Variants in ENPEP observed in about 807,000 individuals in gnomAD.
ENPEP encodes AP-A.
ENPEP carries 103 observed loss-of-function variants against 114.5 expected under a neutral mutation model. That is an observed-to-expected ratio of 0.90 (90% confidence interval 0.77 to 1.06). The LOEUF (loss-of-function observed/expected upper bound fraction) is 1.06, where lower values mean the gene tolerates loss of function less well. Ranked by LOEUF, ENPEP falls within the 50% of genes least tolerant of loss-of-function variation. The probability of loss-of-function intolerance (pLI) is 0.00; values close to 1 mark genes in which losing one functional copy is unlikely to be tolerated. For synonymous variants in ENPEP, 420 were observed against 422.0 expected, an observed-to-expected ratio of 1.00 and a Z score of 0.06; for missense variants, 1,196 against 1,161.3, an observed-to-expected ratio of 1.03 and a Z score of -0.43.
intron 3 of ENPEP, among the ~76,000 whole-genome samples, chr4:110,494,874 A>G (rs1250713556): frequency 1.3e-5 from 2 of 152,218 alleles, no homozygotes; most frequent in African/African-American, 4.8e-5. Context: ...ATTCTGCAAG[A>G]AATCTACTCC....
At chr4:110,504,920 C>G (rs773310594) in intron 3 of ENPEP, among the ~76,000 whole-genome samples, 1 of 152,208 alleles carries the variant, frequency 6.6e-6, no homozygotes, top group Non-Finnish European at 1.5e-5. Flanking sequence ...AATTCTCTTT[C>G]GCTCACCAAA....
chr4:110,479,837 A>G (rs1724246125), intron 1 of ENPEP, among the ~76,000 whole-genome samples: 2 of 152,322 alleles, frequency 1.3e-5, no homozygotes, highest in South Asian at 4.1e-4. Context: ...ATATTTATAA[A>G]ATAATAAAAT....
At chr4:110,542,957 T>C in intron 12 of ENPEP, 58 bp from the exon 13 acceptor site, 1 of 1,610,118 alleles carries the variant, frequency 6.2e-7, no homozygotes, top group Non-Finnish European at 8.5e-7. Flanking sequence ...TATTAATTTT[T>C]TTCAACATGC....
At position 110,549,934 on chromosome 4, in the gene ENPEP, A is replaced by T. The variant is rs552087817; in HGVS notation, c.2501+48A>T. 3.4e-5 allele frequency: 50 copies of T among 1,484,398 alleles called. No individual in the cohort carries two copies. In the South Asian group the frequency reaches 6.0e-4, roughly 18 times the overall value. 92.0% of individuals were successfully genotyped at this position (1,484,398 alleles called of 1,614,324 possible). A position where few individuals can be genotyped will look rare whatever the true frequency, so the allele number is the denominator to read the frequency against. On this transcript the variant is annotated intron_variant, in intron 17 of 19. Coordinates refer to ENST00000265162, the MANE Select transcript of ENPEP (RefSeq NM_001977.4). ...ATATATAAATAGTATTTAATAGTTT[A>T]TGTGTCACAGTCTCTTTAAGAGTCT...
chr4:110,507,270 T>A (rs573681625), intron 4 of ENPEP, among the ~76,000 whole-genome samples: 1 of 152,316 alleles, frequency 6.6e-6, no homozygotes, highest in Admixed American at 6.5e-5. Context: ...CAGCAATAAT[T>A]TTTTCTAATA....
At chr4:110,551,709 T>G (rs1220049252) in intron 17 of ENPEP, among the ~76,000 whole-genome samples, 1 of 152,198 alleles carries the variant, frequency 6.6e-6, no homozygotes, top group Non-Finnish European at 1.5e-5. Flanking sequence ...CAACTGATGT[T>G]GACTATCTTT....
chr4:110,504,005 T>C (rs1334615719), intron 3 of ENPEP, among the ~76,000 whole-genome samples: 1 of 152,166 alleles, frequency 6.6e-6, no homozygotes, highest in African/African-American at 2.4e-5. Context: ...CCTCTCCAAC[T>C]CAAGTACTGG....
Position 110,476,882 on chromosome 4 carries a change from A to C in ENPEP, c.468A>C (p.Gln156His). The change falls in exon 1 of 20, where the codon CAA becomes CAC. Residue 156 changes from glutamine (Q) to histidine (H), a missense_variant. Transcript: ENST00000265162. ...AGAGGCCCTCTGGGGACCAGGTGCA[A>C]GTCCGGAGGTGTTTCGAGTACAAAA... is the stretch of plus-strand genomic sequence containing the variant. ...ELKRPSGDQV[Q>H]VRRCFEYKKQ... 6.2e-7 allele frequency: 1 copy of C among 1,614,092 alleles called. No homozygotes were observed. Among genetic ancestry groups the C allele is most frequent in the Non-Finnish European group, 8.5e-7 (1 of 1,179,998 alleles).
Position 110,550,581 on chromosome 4 carries a change from T to C in ENPEP, c.2501+695T>C, listed in dbSNP as rs149347041. On this transcript the variant is annotated intron_variant, in intron 17 of 19. Transcript: ENST00000265162. The stretch of plus-strand genomic sequence containing the variant: ...ACTCAGAAGGCACAAAGCTCATCTA[T>C]GACTCATTTCCCACTCTGCATTTAT... Among the ~76,000 whole-genome samples the C allele has an allele frequency of 3.6e-3, 553 of 152,242 alleles. 3 individuals are homozygous for C. The highest frequency in any genetic ancestry group is 0.014 in the South Asian group (66 of 4,824).
At chr4:110,523,819 A>G (rs944371943) in intron 10 of ENPEP, among the ~76,000 whole-genome samples, 1 of 152,172 alleles carries the variant, frequency 6.6e-6, no homozygotes, top group African/African-American at 2.4e-5. Context: ...TGTCTTCCCA[A>G]CTTAGTAACA....
At chr4:110,524,206 A>G (rs914325129) in intron 10 of ENPEP, among the ~76,000 whole-genome samples, 5 of 152,208 alleles carry the variant, frequency 3.3e-5, no homozygotes, top group Admixed American at 1.3e-4. Context: ...TTAAAGTCCA[A>G]TTAGACTACA....
chr4:110,508,971 A>G (rs572619484), intron 4 of ENPEP, among the ~76,000 whole-genome samples: 32 of 152,320 alleles, frequency 2.1e-4, no homozygotes, highest in Admixed American at 5.9e-4. Context: ...GGGAAGCTGT[A>G]TTTTGGCCAC....
At chr4:110,479,611 C>T (rs1198722972) in intron 1 of ENPEP, among the ~76,000 whole-genome samples, 1 of 152,110 alleles carries the variant, frequency 6.6e-6, no homozygotes, top group African/African-American at 2.4e-5. Context: ...AGCGACTATT[C>T]CTCTGAGCCT....
At chr4:110,517,530 T>C (rs916734788) in intron 8 of ENPEP, among the ~76,000 whole-genome samples, 1 of 152,232 alleles carries the variant, frequency 6.6e-6, no homozygotes, top group Non-Finnish European at 1.5e-5. Flanking sequence ...TCATATTGAC[T>C]TTGATAGAGA....
At chr4:110,484,969 G>A (rs1245276689) in intron 1 of ENPEP, among the ~76,000 whole-genome samples, 3 of 151,962 alleles carry the variant, frequency 2.0e-5, no homozygotes, top group Admixed American at 6.6e-5. Flanking sequence ...TAGTTAGCTG[G>A]CCTATTTCTG....
chr4:110,542,631 C>A, intron 11 of ENPEP, 120 bp from the exon 12 acceptor site: 2 of 1,026,134 alleles, frequency 1.9e-6, no homozygotes, highest in Non-Finnish European at 2.7e-6. Flanking sequence ...CCAAATCAAA[C>A]CTGCCTCCTT....
chr4:110,519,740 A>AT (rs1056958585), intron 8 of ENPEP, among the ~76,000 whole-genome samples: 1 of 152,104 alleles, frequency 6.6e-6, no homozygotes, highest in East Asian at 1.9e-4. Context: ...CCATCCATGT[A>AT]TTTTTTTTAA....
At chr4:110,528,024 A>C (rs1221726142) in intron 10 of ENPEP, among the ~76,000 whole-genome samples, 1 of 152,222 alleles carries the variant, frequency 6.6e-6, no homozygotes, top group African/African-American at 2.4e-5. Context: ...AATTTTTGTA[A>C]CAGTAAATTT....
In ENPEP at chr4:110,563,396, A is replaced by G. The variant is rs1268267787; in HGVS notation, c.*1838A>G. On this transcript the variant is annotated 3_prime_UTR_variant, in exon 20 of 20. Coordinates refer to ENST00000265162, the MANE Select transcript of ENPEP (RefSeq NM_001977.4). ...TCTATTTCATTCTATTTTAAGCATT[A>G]AAACTGAGAACAAATTGTTTACTTC... 1 of 152,180 alleles carries G rather than the reference A, an allele frequency of 6.6e-6. No individual in the cohort carries two copies. Among genetic ancestry groups the G allele is most frequent in the Non-Finnish European group, 1.5e-5 (1 of 68,016 alleles). 9.4% of individuals were successfully genotyped at this position (152,180 alleles called of 1,614,324 possible).
Sources: gnomAD v4.1 joint callset for allele counts (sites outside exome capture counted in the v4.1 genomes callset) on GRCh38, gnomAD v4.1.1 for gene constraint, MANE v1.5 for transcripts, NCBI Gene and HGNC (gene_info 2026-07-23, HGNC 2026-07-21) for gene names.